Variants in WWOX observed in about 807,000 individuals in gnomAD.
The protein encoded by WWOX is WW domain-containing oxidoreductase.
WWOX carries 69 observed loss-of-function variants against 46.2 expected under a neutral mutation model. The ratio of observed to expected loss-of-function variants is 1.49; its 90% CI spans 1.23 to 1.82. The LOEUF is 1.82. Ranked by LOEUF, WWOX falls within the 40% of genes most tolerant of loss-of-function variation. WWOX has a pLI of 0.00. For synonymous variants in WWOX, 359 were observed against 202.6 expected (o/e 1.77, Z -6.56); for missense variants, 919 against 542.6 (o/e 1.69, Z -6.89).
rs2081146962 is a variant in WWOX at position 78,432,657 on chromosome 16, G to T, written c.961G>T (p.Val321Leu). The T allele has an allele frequency of 6.2e-7, 1 of 1,614,078 alleles. No individual in the cohort carries two copies. The highest frequency in any genetic ancestry group is 8.5e-7 in the Non-Finnish European group (1 of 1,180,050). The stretch of plus-strand genomic sequence containing the variant: ...CCCACGCGGGGTCACGTCGAACGCA[G>T]TGCATCCTGGAAATATGATGTACTC... ...LSPRGVTSNA[V>L]HPGNMMYSNI... The change falls in exon 8 of 9, where the codon GTG (valine) becomes TTG (leucine). Residue 321 changes from valine (V) to leucine (L), a missense_variant. Coordinates refer to ENST00000566780, the MANE Select transcript of WWOX (RefSeq NM_016373.4).
chr16:78,994,664 A>G (rs1012427622), intron 8 of WWOX, among the ~76,000 whole-genome samples: 4 of 152,206 alleles, frequency 2.6e-5, no homozygotes, highest in African/African-American at 4.8e-5. Flanking sequence ...AGGAAGCCCA[A>G]TCGCGTCACA....
chr16:78,784,094 C>A (rs911413316), intron 8 of WWOX, among the ~76,000 whole-genome samples: 2 of 152,098 alleles, frequency 1.3e-5, no homozygotes, highest in African/African-American at 4.8e-5. Context: ...TTGTACCATG[C>A]AATGCTTATG....
chr16:78,230,786 C>T (rs1214650517), intron 5 of WWOX, among the ~76,000 whole-genome samples: 1 of 152,228 alleles, frequency 6.6e-6, no homozygotes, highest in East Asian at 1.9e-4. Context: ...GGAGTATAGA[C>T]TAGGGGGCTG....
intron 8 of WWOX, among the ~76,000 whole-genome samples, chr16:78,578,322 C>G (rs1177348150): frequency 1.0e-5 from 1 of 97,578 alleles, no homozygotes; most frequent in Non-Finnish European, 1.9e-5. Context: ...CGGAGTCTCA[C>G]CCTTTCACCC....
At chr16:79,011,807 A>G (rs1244914797) in intron 8 of WWOX, among the ~76,000 whole-genome samples, 1 of 151,902 alleles carries the variant, frequency 6.6e-6, no homozygotes, top group Non-Finnish European at 1.5e-5. Context: ...TTTTTAAAAA[A>G]CAAAAAAACA....
intron 8 of WWOX, among the ~76,000 whole-genome samples, chr16:78,530,553 C>G (rs776474365): frequency 6.6e-6 from 1 of 152,086 alleles, no homozygotes; most frequent in East Asian, 1.9e-4. Context: ...AATGTGCCAG[C>G]GGAGCCTGGG....
chr16:79,170,136 C>G (rs1453190701), intron 8 of WWOX, among the ~76,000 whole-genome samples: 2 of 152,212 alleles, frequency 1.3e-5, no homozygotes, highest in South Asian at 2.1e-4. Context: ...AAGTTGCTAT[C>G]ATGTCCTTCA....
intron 4 of WWOX, among the ~76,000 whole-genome samples, chr16:78,138,939 G>T (rs974715080): frequency 2.0e-5 from 3 of 152,134 alleles, no homozygotes; most frequent in African/African-American, 7.2e-5. Flanking sequence ...CCTAACATTT[G>T]CAACGAGGCC....
intron 5 of WWOX, among the ~76,000 whole-genome samples, chr16:78,357,392 C>A (rs541501739): frequency 6.6e-6 from 1 of 152,180 alleles, no homozygotes; most frequent in Non-Finnish European, 1.5e-5. Context: ...CTTCTCCCTG[C>A]ATAGCCACTT....
In WWOX at chr16:78,632,358, C is replaced by A. The variant is rs530975737; in HGVS notation, c.1056+199606C>A. 2.6e-5 allele frequency among the ~76,000 whole-genome samples: 4 copies of A among 152,184 alleles called. No individual in the cohort carries two copies. The East Asian group carries it at 7.7e-4, about 29-fold the overall frequency. On this transcript the variant is annotated intron_variant, in intron 8 of 8. Transcript: ENST00000566780. ...GAGTAGGTCAGCATGCCCAAAGTATCAGAGTCATTATTGAGTTATTCCGCT... is the reference window on the plus strand; with the variant it reads ...GAGTAGGTCAGCATGCCCAAAGTATAAGAGTCATTATTGAGTTATTCCGCT...
At chr16:78,830,616 G>A (rs1368499664) in intron 8 of WWOX, among the ~76,000 whole-genome samples, 1 of 151,880 alleles carries the variant, frequency 6.6e-6, no homozygotes. Context: ...TCAGACAATC[G>A]AAAAATTGAA....
At chr16:79,083,516 C>G (rs1265257490) in intron 8 of WWOX, among the ~76,000 whole-genome samples, 2 of 152,200 alleles carry the variant, frequency 1.3e-5, no homozygotes, top group African/African-American at 4.8e-5. Flanking sequence ...TCACCTGACA[C>G]AAACGTTTTC....
chr16:78,911,156 G>A (rs974956249), intron 8 of WWOX, among the ~76,000 whole-genome samples: 2 of 151,942 alleles, frequency 1.3e-5, no homozygotes, highest in African/African-American at 2.4e-5. Context: ...CCTTGTCAGA[G>A]TGGAAGGTGG....
chr16:79,065,539 C>T (rs891842520), intron 8 of WWOX, among the ~76,000 whole-genome samples: 9 of 152,116 alleles, frequency 5.9e-5, no homozygotes, highest in Non-Finnish European at 1.0e-4. Flanking sequence ...ATGCAAAAGT[C>T]TGAAAACCAT....
intron 8 of WWOX, among the ~76,000 whole-genome samples, chr16:79,045,780 C>CTTTT (rs770463813): frequency 5.5e-5 from 3 of 54,220 alleles, no homozygotes; most frequent in African/African-American, 5.4e-5. Context: ...TTTTCTTTTC[C>CTTTT]TTTTTTTTTT....
At chr16:78,424,276 C>G (rs1345901155) in intron 6 of WWOX, among the ~76,000 whole-genome samples, 1 of 151,834 alleles carries the variant, frequency 6.6e-6, no homozygotes, top group Admixed American at 6.6e-5. Flanking sequence ...TACCACCACA[C>G]CTGGCTAATT....
intron 8 of WWOX, among the ~76,000 whole-genome samples, chr16:79,209,322 G>A (rs556745063): frequency 6.6e-6 from 1 of 152,188 alleles, no homozygotes; most frequent in Non-Finnish European, 1.5e-5. Context: ...TACCATTCCA[G>A]TAATGCAAGA....
At chr16:78,152,490 C>G (rs1470006264) in intron 4 of WWOX, among the ~76,000 whole-genome samples, 1 of 152,102 alleles carries the variant, frequency 6.6e-6, no homozygotes, top group Admixed American at 6.5e-5. Context: ...ATATGTTAAG[C>G]CATTTCCTAT....
intron 4 of WWOX, among the ~76,000 whole-genome samples, chr16:78,135,409 C>T (rs1044682098): frequency 2.6e-5 from 4 of 152,152 alleles, no homozygotes; most frequent in Non-Finnish European, 5.9e-5. Flanking sequence ...AAAAGACGTA[C>T]AGTAGGCAGA....
Sources: gnomAD v4.1 joint callset for allele counts (sites outside exome capture counted in the v4.1 genomes callset) on GRCh38, gnomAD v4.1.1 for gene constraint, MANE v1.5 for transcripts, NCBI Gene and HGNC (gene_info 2026-07-23, HGNC 2026-07-21) for gene names.